STOM: variants seen among roughly 807,000 people sequenced by gnomAD.
The protein encoded by STOM is erythrocyte band 7 integral membrane protein.
STOM carries 25 observed loss-of-function variants against 30.6 expected under a neutral mutation model. The ratio of observed to expected loss-of-function variants is 0.82; its 90% confidence interval spans 0.60 to 1.14. The LOEUF (loss-of-function observed/expected upper bound fraction) is 1.14, where lower values mean the gene tolerates loss of function less well. Ranked by LOEUF, STOM falls within the 50% of genes most tolerant of loss-of-function variation. The probability of loss-of-function intolerance (pLI) is 0.00; values close to 1 mark genes in which losing one functional copy is unlikely to be tolerated. For missense variants in STOM, 292 were observed against 365.2 expected, an observed-to-expected ratio of 0.80 and a Z score of 1.63; for synonymous variants, 118 against 130.8, an observed-to-expected ratio of 0.90 and a Z score of 0.67.
At chr9:121,354,857 T>G (rs1191304439) in intron 2 of STOM, among the ~76,000 whole-genome samples, 184 bp from the exon 3 acceptor site, 1 of 152,226 alleles carries the variant, frequency 6.6e-6, no homozygotes, top group Admixed American at 6.5e-5. Context: ...ATTATTTTCT[T>G]ACTGATTACA....
At chr9:121,364,319 T>G (rs947954039) in intron 1 of STOM, among the ~76,000 whole-genome samples, 1 of 152,160 alleles carries the variant, frequency 6.6e-6, no homozygotes, top group Non-Finnish European at 1.5e-5. Flanking sequence ...AGTATTTTAA[T>G]TAGGCACGGC....
intron 1 of STOM, among the ~76,000 whole-genome samples, chr9:121,369,377 C>T (rs2064538708): frequency 6.6e-6 from 1 of 152,046 alleles, no homozygotes; most frequent in Admixed American, 6.5e-5. Context: ...GGTCCACCAT[C>T]TCTCTTTATT....
intron 6 of STOM, among the ~76,000 whole-genome samples, chr9:121,343,374 A>G (rs902871733): frequency 6.6e-6 from 1 of 152,204 alleles, no homozygotes; most frequent in Non-Finnish European, 1.5e-5. Context: ...AGGGTTAATA[A>G]GCCCTGTGTA....
At chr9:121,368,422 C>A (rs539018195) in intron 1 of STOM, among the ~76,000 whole-genome samples, 3 of 152,246 alleles carry the variant, frequency 2.0e-5, no homozygotes, top group Admixed American at 6.5e-5. Flanking sequence ...CTAATACCCA[C>A]CTTTTTATCT....
At chr9:121,365,972 A>T in intron 1 of STOM, 1 of 289,422 alleles carries the variant, frequency 3.5e-6, no homozygotes, top group Non-Finnish European at 5.2e-6. Context: ...GGAGAAACAG[A>T]CTACACTTGG....
At chr9:121,346,458 A>G (rs1052617126) in intron 6 of STOM, among the ~76,000 whole-genome samples, 4 of 152,210 alleles carry the variant, frequency 2.6e-5, no homozygotes, top group African/African-American at 7.2e-5. Flanking sequence ...AGTGTTTGCC[A>G]CCTATGGAAG....
intron 1 of STOM, among the ~76,000 whole-genome samples, chr9:121,367,600 C>T (rs572292638): frequency 3.9e-5 from 6 of 152,222 alleles, no homozygotes; most frequent in Non-Finnish European, 8.8e-5. Context: ...TTTGCAATTA[C>T]TTGCATTATT....
chr9:121,339,615 G>A lies in STOM; in HGVS notation c.*1587C>T, dbSNP rs2064228531. ...AGCTGTTATGCTTAGACTTCTCTAG[G>A]TGAACTCAGAGTCTCAAAGAGGAAA... On this transcript the variant is annotated 3_prime_UTR_variant, in exon 7 of 7. Coordinates refer to ENST00000286713, the MANE Select transcript of STOM (RefSeq NM_004099.6). 1.6e-6 allele frequency: 2 copies of A among 1,231,534 alleles called. No homozygotes were observed. The highest frequency in any genetic ancestry group is 3.2e-5 in the East Asian group (1 of 31,714). 76.3% of individuals were successfully genotyped at this position (1,231,534 alleles called of 1,614,324 possible). A position where few individuals can be genotyped will look rare whatever the true frequency, so the allele number is the denominator to read the frequency against.
At position 121,340,470 on chromosome 9, in the gene STOM, C is replaced by T; in HGVS notation, c.*732G>A. 1 of 985,142 alleles carries T rather than the reference C, an allele frequency of 1.0e-6. No homozygotes were observed. The highest frequency in any genetic ancestry group is 1.2e-6 in the Non-Finnish European group (1 of 829,692). 61.0% of individuals were successfully genotyped at this position (985,142 alleles called of 1,614,324 possible). On this transcript the variant is annotated 3_prime_UTR_variant, in exon 7 of 7. Transcript: ENST00000286713. ...AGACTCTCCAAACCAGGTGTGGTAG[C>T]TCATGCCTGTAATCCCAGCACTTTG...
chr9:121,367,021 T>G (rs1177165784), intron 1 of STOM, among the ~76,000 whole-genome samples: 2 of 151,920 alleles, frequency 1.3e-5, no homozygotes, highest in Non-Finnish European at 2.9e-5. Flanking sequence ...TACAGTGAGC[T>G]ATGACTGCAC....
At position 121,370,110 on chromosome 9, in the gene STOM, G is replaced by A. The variant is rs1412043680; in HGVS notation, c.61+17C>T. 1.3e-6 allele frequency: 2 copies of A among 1,537,260 alleles called. No homozygotes were observed. Among genetic ancestry groups the A allele is most frequent in the African/African-American group, 2.7e-5 (2 of 73,038 alleles). ...GGGCTCGGTCCACGGGGGAGGGTCA[G>A]GGGACGCGGGACTCACCCTTGAAGG... On this transcript the variant is annotated intron_variant, in intron 1 of 6. Transcript: ENST00000286713.
chr9:121,346,341 G>C (rs1225162599), intron 6 of STOM, among the ~76,000 whole-genome samples: 1 of 152,196 alleles, frequency 6.6e-6, no homozygotes, highest in African/African-American at 2.4e-5. Flanking sequence ...TTGTTACCCA[G>C]AGTGCTATAG....
chr9:121,365,917 G>T lies in STOM; in HGVS notation c.61+4210C>A, dbSNP rs1374030805. On this transcript the variant is annotated intron_variant, in intron 1 of 6. Transcript: ENST00000286713. ...TACCTTTTGGGATCTGGGCACTATG[G>T]AGAAAATATCAACTAACAATCTGCT... 3.3e-5 allele frequency among the ~76,000 whole-genome samples: 5 copies of T among 152,156 alleles called. No individual in the cohort carries two copies. In the South Asian group the frequency reaches 1.0e-3, roughly 31 times the overall value.
At chr9:121,365,477 G>T (rs2064494049) in intron 1 of STOM, among the ~76,000 whole-genome samples, 1 of 144,810 alleles carries the variant, frequency 6.9e-6, no homozygotes, top group Non-Finnish European at 1.5e-5. Flanking sequence ...CACTTTTTAG[G>T]TTTTTTTTTT....
At position 121,339,804 on chromosome 9, in the gene STOM, T is replaced by C. The variant is rs561757880; in HGVS notation, c.*1398A>G. 3.6e-5 allele frequency: 44 copies of C among 1,212,780 alleles called. 1 individual carries two copies. In the South Asian group the frequency reaches 1.6e-3, roughly 44 times the overall value. 75.1% of individuals were successfully genotyped at this position (1,212,780 alleles called of 1,614,324 possible). A position where few individuals can be genotyped will look rare whatever the true frequency, so the allele number is the denominator to read the frequency against. On this transcript the variant is annotated 3_prime_UTR_variant, in exon 7 of 7. Transcript: ENST00000286713. The stretch of plus-strand genomic sequence containing the variant: ...CCTCTTTCAGCATCAATATACATGA[T>C]AGAAGAATGACTAGGTAAATTTAAA...
intron 1 of STOM, among the ~76,000 whole-genome samples, chr9:121,362,964 A>T (rs1331662238): frequency 6.6e-6 from 1 of 152,194 alleles, no homozygotes; most frequent in South Asian, 2.1e-4. Context: ...TTACTTTCAG[A>T]TCTATTAACC....
chr9:121,356,076 T>A lies in STOM; in HGVS notation c.142A>T (p.Ile48Phe). 3 of 1,614,062 alleles carry A rather than the reference T, an allele frequency of 1.9e-6. No individual in the cohort carries two copies. Among genetic ancestry groups the A allele is most frequent in the Non-Finnish European group, 2.5e-6 (3 of 1,179,970 alleles). ...SFLFTVITFPISIWMCIKIIK... is the reference protein window; with the variant it reads ...SFLFTVITFPFSIWMCIKIIK... Reference sequence around the variant, plus strand: ...ACCTTTATGCACATCCATATTGAGATTGGGAAAGTTATAACGGTGAATAAG... The same window carrying A: ...ACCTTTATGCACATCCATATTGAGAATGGGAAAGTTATAACGGTGAATAAG... The change falls in exon 2 of 7, where the codon ATC (isoleucine) becomes TTC (phenylalanine). Residue 48 changes from isoleucine to phenylalanine, a missense_variant. Ile to Phe is a conservative substitution (Grantham distance 21). Transcript: ENST00000286713.
At chr9:121,341,734 C>A (rs2064248616) in intron 6 of STOM, among the ~76,000 whole-genome samples, 1 of 152,158 alleles carries the variant, frequency 6.6e-6, no homozygotes, top group African/African-American at 2.4e-5. Context: ...CAGGCAAATC[C>A]TTTTGCAAGT....
chr9:121,354,173 T>C (rs188916628), intron 3 of STOM, among the ~76,000 whole-genome samples: 1 of 152,310 alleles, frequency 6.6e-6, no homozygotes, highest in Admixed American at 6.5e-5. Context: ...CTCAAACTTG[T>C]ATAGCTGTAC....
Sources: gnomAD v4.1 joint callset for allele counts (sites outside exome capture counted in the v4.1 genomes callset) on GRCh38, gnomAD v4.1.1 for gene constraint, MANE v1.5 for transcripts, NCBI Gene and HGNC (gene_info 2026-07-23, HGNC 2026-07-21) for gene names.